PDE10A: variants seen among roughly 807,000 people sequenced by gnomAD.
PDE10A encodes the protein cAMP and cAMP-inhibited cGMP 3',5'-cyclic phosphodiesterase 10A.
PDE10A carries 39 observed loss-of-function variants against 97.7 expected under a neutral mutation model. The ratio of observed to expected loss-of-function variants is 0.40; its 90% CI spans 0.31 to 0.52. The LOEUF is 0.52. Among genes scored for constraint, PDE10A ranks in the 20% least tolerant of loss-of-function variants. PDE10A has a pLI of 0.56. For synonymous variants in PDE10A, 371 were observed against 376.8 expected, an observed-to-expected ratio of 0.98 and a Z score of 0.18; for missense variants, 731 against 1,047.8, an observed-to-expected ratio of 0.70 and a Z score of 4.17.
intron 1 of PDE10A, among the ~76,000 whole-genome samples, chr6:165,748,808 T>TTGTG (rs71029562): frequency 0.15 from 22,676 of 147,592 alleles, 1,865 homozygotes; most frequent in East Asian, 0.33. Flanking sequence ...AGAAAGAAGT[T>TTGTG]TGTGTGTGTG....
intron 1 of PDE10A, among the ~76,000 whole-genome samples, chr6:165,589,404 T>G (rs1034141601): frequency 6.6e-6 from 1 of 152,240 alleles, no homozygotes; most frequent in African/African-American, 2.4e-5. Flanking sequence ...ATATTTAAAA[T>G]GCATTGGTTA....
At chr6:165,336,351 T>C in intron 20 of PDE10A, 140 bp from the exon 21 acceptor site, 1 of 647,294 alleles carries the variant, frequency 1.5e-6, no homozygotes, top group Non-Finnish European at 2.8e-6. Flanking sequence ...GTATGTGATA[T>C]CTGGGTTCCA....
At chr6:165,546,655 GA>G (rs1783757523) in intron 1 of PDE10A, among the ~76,000 whole-genome samples, 2 of 152,092 alleles carry the variant, frequency 1.3e-5, no homozygotes, top group Admixed American at 6.5e-5. Flanking sequence ...GTTGTCCCAA[GA>G]GGGTACAGTT....
intron 2 of PDE10A, among the ~76,000 whole-genome samples, chr6:165,486,043 C>T (rs944500455): frequency 6.6e-6 from 1 of 152,136 alleles, no homozygotes; most frequent in African/African-American, 2.4e-5. Flanking sequence ...GTTCCTCTTT[C>T]GGCTAGCAAC....
chr6:165,572,631 G>A (rs1419675272), intron 1 of PDE10A, among the ~76,000 whole-genome samples: 1 of 152,186 alleles, frequency 6.6e-6, no homozygotes, highest in Non-Finnish European at 1.5e-5. Context: ...TGGGTGCCGT[G>A]GCTCACTCCT....
At chr6:165,422,460 CAG>C (rs10541760) in intron 10 of PDE10A, among the ~76,000 whole-genome samples, 3,383 of 147,238 alleles carry the variant, frequency 0.023, 443 homozygotes, top group African/African-American at 0.075. Context: ...TATACACACA[CAG>C]GCATACACAC....
rs34532096 is a variant in PDE10A, at chr6:165,671,137, AT to A, written c.-614-127570del. Among the ~76,000 whole-genome samples the A allele has an allele frequency of 0.41, 61,204 of 149,252 alleles. 12,599 individuals are homozygous for A. The highest frequency in any genetic ancestry group is 0.45 in the East Asian group (2,308 of 5,098). ...CCCTTTTTGGGTAAAACGTTCACTA[AT>A]TTTTTTTTTTTTAAGAATCAACAAC... On this transcript the variant is annotated intron_variant, in intron 1 of 19. Coordinates refer to the PDE10A transcript ENST00000366882. This position sits in a 1 kb window ranked among gnomAD's most constrained non-coding sequence, Gnocchi z 4.6.
chr6:165,496,774 C>T (rs541129747), intron 2 of PDE10A, among the ~76,000 whole-genome samples: 26 of 152,256 alleles, frequency 1.7e-4, no homozygotes, highest in South Asian at 6.2e-4. Flanking sequence ...TATTTGGTCA[C>T]AAAAAGAGTG....
intron 1 of PDE10A, among the ~76,000 whole-genome samples, chr6:165,570,154 G>T (rs899430883): frequency 1.3e-5 from 2 of 152,096 alleles, no homozygotes; most frequent in African/African-American, 2.4e-5. Context: ...AATCCAATAT[G>T]ACTAGTACCC....
chr6:165,792,106 A>G (rs1562738732), intron 1 of PDE10A, among the ~76,000 whole-genome samples: 1 of 151,872 alleles, frequency 6.6e-6, no homozygotes, highest in Non-Finnish European at 1.5e-5. Flanking sequence ...GGAAGGAGGC[A>G]CCCTCAGTCA....
intron 1 of PDE10A, among the ~76,000 whole-genome samples, chr6:165,968,264 T>C (rs1432601283): frequency 6.6e-6 from 1 of 152,198 alleles, no homozygotes; most frequent in Non-Finnish European, 1.5e-5. Context: ...CTATGCAAAA[T>C]GTCAGGTTTA....
At chr6:165,768,024 G>A (rs913507263) in intron 1 of PDE10A, among the ~76,000 whole-genome samples, 17 of 152,140 alleles carry the variant, frequency 1.1e-4, no homozygotes, top group Admixed American at 3.9e-4. Context: ...TTGTATTTCC[G>A]TAAAGACTGA....
intron 1 of PDE10A, chr6:165,576,317 C>A: frequency 1.4e-6 from 1 of 710,672 alleles, no homozygotes; most frequent in Non-Finnish European, 2.6e-6. Flanking sequence ...AATGAATTGG[C>A]AGATCAAAAC....
intron 1 of PDE10A, chr6:165,775,489 G>C (rs767069006): frequency 6.6e-6 from 1 of 152,108 alleles, no homozygotes; most frequent in Admixed American, 6.5e-5. Flanking sequence ...CTTTTCAAAG[G>C]TCATCAGCTG....
chr6:165,509,405 T>G (rs1426725875), intron 2 of PDE10A, among the ~76,000 whole-genome samples: 2 of 152,036 alleles, frequency 1.3e-5, no homozygotes, highest in Non-Finnish European at 2.9e-5. Flanking sequence ...CATGTGAAAT[T>G]ATTTCTGAGT....
chr6:165,592,994 G>T (rs985426835), intron 1 of PDE10A, among the ~76,000 whole-genome samples: 2 of 152,160 alleles, frequency 1.3e-5, no homozygotes, highest in Admixed American at 1.3e-4. Context: ...AAAGACACAT[G>T]CACATGTATG....
At chr6:165,619,384 CTAGTATAGTG>C (rs1562634601) in intron 1 of PDE10A, among the ~76,000 whole-genome samples, 4 of 27,856 alleles carry the variant, frequency 1.4e-4, no homozygotes, top group African/African-American at 2.7e-4. Flanking sequence ...GTAGTGTAGT[CTAGTATAGTG>C]TAGTGTAGTG....
At chr6:165,392,859 T>C in intron 15 of PDE10A, 63 bp from the exon 16 acceptor site, 1 of 1,472,580 alleles carries the variant, frequency 6.8e-7, no homozygotes. Flanking sequence ...GTAGGAGAAC[T>C]CCCTAGTTTA....
At chr6:165,443,689 G>C (rs918570176) in intron 5 of PDE10A, among the ~76,000 whole-genome samples, 2 of 152,174 alleles carry the variant, frequency 1.3e-5, no homozygotes, top group Non-Finnish European at 2.9e-5. Flanking sequence ...GCAGACTTCT[G>C]CCTGGATATC....
Sources: gnomAD v4.1 joint callset for allele counts (sites outside exome capture counted in the v4.1 genomes callset) on GRCh38, gnomAD v4.1.1 for gene constraint, Gnocchi (gnomAD v3.1) non-coding constraint, MANE v1.5 for transcripts, NCBI Gene and HGNC (gene_info 2026-07-23, HGNC 2026-07-21) for gene names.